CCDC7: variants seen among roughly 807,000 people sequenced by gnomAD.
CCDC7 encodes the protein coiled-coil domain-containing protein 7.
Under a neutral mutation model 196.9 loss-of-function variants are expected in CCDC7, and 183 were observed. That is an observed-to-expected ratio of 0.93 (90% CI 0.82 to 1.05). The LOEUF (loss-of-function observed/expected upper bound fraction) is 1.05, where lower values mean the gene tolerates loss of function less well. Ranked by LOEUF, CCDC7 falls within the 50% of genes least tolerant of loss-of-function variation. CCDC7 has a pLI of 0.00. For synonymous variants in CCDC7, 525 were observed against 484.6 expected, an observed-to-expected ratio of 1.08 and a Z score of -1.10; for missense variants, 1,540 against 1,482.2, an observed-to-expected ratio of 1.04 and a Z score of -0.64.
intron 18 of CCDC7, among the ~76,000 whole-genome samples, chr10:32,588,931 C>T (rs1181268103): frequency 1.3e-5 from 2 of 151,976 alleles, no homozygotes; most frequent in Non-Finnish European, 2.9e-5. Flanking sequence ...TATTTTGATA[C>T]TGGCGTATAA....
chr10:32,843,298 T>A (rs1483762567), intron 33 of CCDC7, among the ~76,000 whole-genome samples: 1 of 151,956 alleles, frequency 6.6e-6, no homozygotes, highest in Non-Finnish European at 1.5e-5. Flanking sequence ...AACAATGTCT[T>A]TTATATATAG....
chr10:32,816,680 A>G (rs2088658146), intron 31 of CCDC7, among the ~76,000 whole-genome samples: 3 of 152,154 alleles, frequency 2.0e-5, no homozygotes, highest in African/African-American at 7.2e-5. Context: ...CTGTTCACCA[A>G]TATCCGCTGT....
chr10:32,822,710 T>G (rs911787712), intron 31 of CCDC7, among the ~76,000 whole-genome samples: 2 of 152,168 alleles, frequency 1.3e-5, no homozygotes, highest in African/African-American at 4.8e-5. Context: ...TAAAGTTGAC[T>G]GAGGTAATAC....
At chr10:32,641,789 A>T (rs997594963) in intron 20 of CCDC7, among the ~76,000 whole-genome samples, 2 of 151,904 alleles carry the variant, frequency 1.3e-5, no homozygotes, top group African/African-American at 4.8e-5. Flanking sequence ...GGTTTTATCT[A>T]CCTTTGGTCT....
intron 29 of CCDC7, among the ~76,000 whole-genome samples, chr10:32,800,360 A>G (rs1212719020): frequency 6.6e-6 from 1 of 152,280 alleles, no homozygotes; most frequent in East Asian, 1.9e-4. Context: ...GCCAATGTGG[A>G]GGTTCTGCCA....
chr10:32,680,741 C>T (rs1429670592), intron 21 of CCDC7, among the ~76,000 whole-genome samples: 1 of 152,180 alleles, frequency 6.6e-6, no homozygotes, highest in African/African-American at 2.4e-5. Flanking sequence ...GTCATCTTGA[C>T]ACCACTATTC....
chr10:32,867,380 G>A (rs1478331513), intron 41 of CCDC7, among the ~76,000 whole-genome samples: 1 of 151,462 alleles, frequency 6.6e-6, no homozygotes, highest in Non-Finnish European at 1.5e-5. Flanking sequence ...TATTTATCAT[G>A]TTTATAAATA....
At chr10:32,560,153 C>G (rs1472909093) in intron 13 of CCDC7, among the ~76,000 whole-genome samples, 1 of 152,110 alleles carries the variant, frequency 6.6e-6, no homozygotes, top group Non-Finnish European at 1.5e-5. Flanking sequence ...ACAAAGCCTC[C>G]AAGAAATATG....
At chr10:32,460,106 G>A (rs2035311151) in intron 3 of CCDC7, among the ~76,000 whole-genome samples, 2 of 152,000 alleles carry the variant, frequency 1.3e-5, no homozygotes, top group Admixed American at 1.3e-4. Flanking sequence ...AATCATAAAA[G>A]GCAATATTGA....
chr10:32,549,207 T>C (rs1296921335), intron 13 of CCDC7, among the ~76,000 whole-genome samples: 1 of 152,198 alleles, frequency 6.6e-6, no homozygotes, highest in Non-Finnish European at 1.5e-5. Context: ...CATTTGTATA[T>C]CTTCTTTTGA....
intron 21 of CCDC7, among the ~76,000 whole-genome samples, chr10:32,672,204 G>A (rs185434294): frequency 2.3e-4 from 35 of 152,264 alleles, no homozygotes; most frequent in African/African-American, 8.2e-4. Flanking sequence ...CAGAATCAAG[G>A]TGCAGATTCC....
At chr10:32,466,302 A>T (rs576850013) in intron 5 of CCDC7, among the ~76,000 whole-genome samples, 1 of 137,536 alleles carries the variant, frequency 7.3e-6, no homozygotes, top group African/African-American at 2.7e-5. Flanking sequence ...TCAGGGGTAC[A>T]TGTATAGGTT....
intron 29 of CCDC7, among the ~76,000 whole-genome samples, chr10:32,790,885 A>G (rs2082589770): frequency 6.6e-6 from 1 of 152,114 alleles, no homozygotes; most frequent in East Asian, 1.9e-4. Flanking sequence ...TAAGCACAGG[A>G]CCCCAATTTT....
chr10:32,511,630 A>G, intron 9 of CCDC7: 2 of 1,584,196 alleles, frequency 1.3e-6, no homozygotes, highest in Non-Finnish European at 1.7e-6. Context: ...TTCTAGAAAC[A>G]GACATCGTGG....
chr10:32,838,586 C>G (rs542382872), intron 33 of CCDC7, among the ~76,000 whole-genome samples: 3 of 152,010 alleles, frequency 2.0e-5, no homozygotes, highest in Non-Finnish European at 4.4e-5. Context: ...AAAAACTTCT[C>G]CAACCTTGCT....
intron 9 of CCDC7, among the ~76,000 whole-genome samples, chr10:32,517,125 A>G (rs993538960): frequency 6.6e-6 from 1 of 152,202 alleles, no homozygotes; most frequent in Non-Finnish European, 1.5e-5. Flanking sequence ...GTTTAATTGG[A>G]ATACAGCCAT....
chr10:32,831,771 C>T (rs986290841), intron 32 of CCDC7, among the ~76,000 whole-genome samples: 9 of 152,140 alleles, frequency 5.9e-5, no homozygotes, highest in East Asian at 3.9e-4. Context: ...CCTATGATAA[C>T]GATGCCTTCT....
intron 9 of CCDC7, among the ~76,000 whole-genome samples, chr10:32,499,591 C>CTTTTTTTT (rs761980746): frequency 7.5e-6 from 1 of 132,950 alleles, no homozygotes. Flanking sequence ...TTGAATCTTT[C>CTTTTTTTT]TTTTTTATTT....
chr10:32,496,075 G>T (rs938293159), intron 9 of CCDC7, among the ~76,000 whole-genome samples: 2 of 152,104 alleles, frequency 1.3e-5, no homozygotes, highest in Non-Finnish European at 2.9e-5. Context: ...TCCTTGAGCT[G>T]TGGTTTGTAG....
Sources: allele counts gnomAD v4.1 joint callset (sites outside exome capture counted in the v4.1 genomes callset), GRCh38; gene constraint gnomAD v4.1.1; transcripts MANE v1.5; gene names NCBI Gene and HGNC (gene_info 2026-07-23, HGNC 2026-07-21).